The following NCAM2 variants were observed in gnomAD, a reference collection of about 807,000 sequenced individuals.
NCAM2 encodes the protein neural cell adhesion molecule 2, also known as N-CAM-2.
Under a neutral mutation model 98.1 loss-of-function variants are expected in NCAM2, and 30 were observed. The observed-to-expected ratio is 0.31, with a 90% CI of 0.23 to 0.41. The LOEUF is 0.41. Ranked by LOEUF, NCAM2 falls within the 10% of genes least tolerant of loss-of-function variation. The pLI, the probability that NCAM2 is intolerant of heterozygous loss-of-function variation, is 1.00. For missense variants in NCAM2, 867 were observed against 1,005.8 expected (o/e 0.86, Z 1.87); for synonymous variants, 368 against 342.4 (o/e 1.07, Z -0.83).
At chr21:21,140,892 A>G (rs553289757) in intron 1 of NCAM2, among the ~76,000 whole-genome samples, 11 of 152,276 alleles carry the variant, frequency 7.2e-5, no homozygotes, top group African/African-American at 2.4e-4. Flanking sequence ...CAGTTACTCT[A>G]AGAAGGCTTA....
chr21:21,324,512 ACCCCCCT>A lies in NCAM2; in HGVS notation c.737+16_737+22del, dbSNP rs757841248. 6.4e-7 allele frequency: 1 copy of A among 1,553,640 alleles called. No individual in the cohort carries two copies. Among genetic ancestry groups the A allele is most frequent in the South Asian group, 1.1e-5 (1 of 89,508 alleles). Reference sequence around the variant, plus strand: ...ATCTCCTGGTTCAGGTAGGTTATGCACCCCCCTCCCTCTGGCTTGTGTCCATTATCAG... The same window carrying A: ...ATCTCCTGGTTCAGGTAGGTTATGCACCCTCTGGCTTGTGTCCATTATCAG... On this transcript the variant is annotated intron_variant, in intron 6 of 17. Coordinates refer to ENST00000400546, the MANE Select transcript of NCAM2 (RefSeq NM_004540.5).
rs369402173 is a variant in NCAM2, at chr21:21,303,907, T to C, written c.619+11666T>C. On this transcript the variant is annotated intron_variant, in intron 5 of 17. Coordinates refer to ENST00000400546, the MANE Select transcript of NCAM2 (RefSeq NM_004540.5). ...ACATCTTCTCATATACAACTCAGCA[T>C]TGATCATTTTTGGTAAAATGTCTTT... Among the ~76,000 whole-genome samples, 8 of 152,310 alleles carry C rather than the reference T, an allele frequency of 5.3e-5. No individual in the cohort carries two copies. The East Asian group carries it at 1.4e-3, about 26-fold the overall frequency.
intron 1 of NCAM2, among the ~76,000 whole-genome samples, chr21:21,262,803 G>T (rs374853392): frequency 2.6e-5 from 4 of 152,146 alleles, no homozygotes; most frequent in African/African-American, 9.6e-5. Flanking sequence ...ACAGTTCCAC[G>T]TGGCTGGGGA....
chr21:21,542,757 G>C lies in NCAM2; in HGVS notation c.*4800G>C, dbSNP rs73218070. ...TGCTAGACCAGGGACTAGGAACGTT[G>C]CTTAGATAAAAATTATGGCCGATTA... On this transcript the variant is annotated 3_prime_UTR_variant, in exon 18 of 18. Transcript: ENST00000400546. 1 of 151,884 alleles carries C rather than the reference G, an allele frequency of 6.6e-6. No homozygotes were observed. The highest frequency in any genetic ancestry group is 6.6e-5 in the Admixed American group (1 of 15,182). The allele number at this position is 151,884 out of a possible 1,614,324, so 9.4% of individuals were successfully genotyped here.
chr21:21,327,856 A>T (rs928544852), intron 6 of NCAM2, among the ~76,000 whole-genome samples: 1 of 152,172 alleles, frequency 6.6e-6, no homozygotes, highest in Non-Finnish European at 1.5e-5. Flanking sequence ...ATAATAGGGG[A>T]ATTATAAAAC....
intron 6 of NCAM2, among the ~76,000 whole-genome samples, chr21:21,325,709 C>T (rs924944307): frequency 2.6e-5 from 4 of 152,228 alleles, no homozygotes; most frequent in African/African-American, 9.6e-5. Flanking sequence ...AAATACTGTT[C>T]TACAATCTTT....
At chr21:21,292,011 A>G (rs1317350002) in intron 4 of NCAM2, 93 bp from the exon 5 acceptor site, 27 of 1,177,306 alleles carry the variant, frequency 2.3e-5, no homozygotes, top group Non-Finnish European at 2.1e-5. Context: ...ATAGTGTCAG[A>G]CAGTGCCATA....
At chr21:21,333,088 A>AT (rs1047239514) in intron 6 of NCAM2, among the ~76,000 whole-genome samples, 3 of 152,200 alleles carry the variant, frequency 2.0e-5, no homozygotes, top group African/African-American at 7.2e-5. Flanking sequence ...CCTTGGAGTG[A>AT]TTTTTTAGAC....
At chr21:21,424,887 T>G (rs1025672654) in intron 11 of NCAM2, among the ~76,000 whole-genome samples, 3 of 151,264 alleles carry the variant, frequency 2.0e-5, no homozygotes, top group Admixed American at 1.3e-4. Context: ...CAAAAAAATA[T>G]TAGCCGGGTG....
intron 5 of NCAM2, among the ~76,000 whole-genome samples, chr21:21,307,448 T>G (rs564577567): frequency 6.6e-6 from 1 of 152,220 alleles, no homozygotes; most frequent in African/African-American, 2.4e-5. Flanking sequence ...TACAACAAAT[T>G]TTGTGGCTCA....
chr21:21,525,074 T>C (rs1287829482), intron 16 of NCAM2, among the ~76,000 whole-genome samples: 1 of 152,086 alleles, frequency 6.6e-6, no homozygotes, highest in Admixed American at 6.5e-5. Context: ...TTAAAGTGAA[T>C]TATCTAGACC....
rs1264419054 is a variant in NCAM2, at chr21:21,352,204, A to G, written c.1044+13670A>G. Among the ~76,000 whole-genome samples, 5 of 152,156 alleles carry G rather than the reference A, an allele frequency of 3.3e-5. No individual in the cohort carries two copies. The South Asian group carries it at 8.3e-4, about 25-fold the overall frequency. On this transcript the variant is annotated intron_variant, in intron 8 of 17. Transcript: ENST00000400546. ...CCTCAGCCTCCTGAGTAGCAGGACT[A>G]CAGGCACATGCCACCATGACTAGCT...
chr21:21,351,476 A>T, intron 8 of NCAM2, among the ~76,000 whole-genome samples: 1 of 152,162 alleles, frequency 6.6e-6, no homozygotes, highest in East Asian at 1.9e-4. Context: ...AAAGCTTAAG[A>T]CAAACCAAAG....
intron 6 of NCAM2, among the ~76,000 whole-genome samples, chr21:21,332,828 T>C (rs1274622586): frequency 6.6e-6 from 1 of 152,236 alleles, no homozygotes; most frequent in African/African-American, 2.4e-5. Context: ...TATGCCACTG[T>C]CATATGCAAC....
chr21:21,407,607 G>C (rs929352553), intron 9 of NCAM2, among the ~76,000 whole-genome samples: 5 of 152,174 alleles, frequency 3.3e-5, no homozygotes, highest in African/African-American at 9.6e-5. Flanking sequence ...ATTTCTTATT[G>C]GATTGAGTTT....
At chr21:21,431,972 A>G (rs1402827547) in intron 11 of NCAM2, 136 bp from the exon 12 acceptor site, 1 of 635,330 alleles carries the variant, frequency 1.6e-6, no homozygotes, top group Non-Finnish European at 2.5e-6. Flanking sequence ...TGTTTCAGGA[A>G]GTTCTGTAAC....
chr21:21,360,670 A>G (rs1313638391), intron 8 of NCAM2, among the ~76,000 whole-genome samples: 3 of 151,900 alleles, frequency 2.0e-5, no homozygotes, highest in Non-Finnish European at 4.4e-5. Context: ...TGCATTATGT[A>G]TATGCCAGTC....
At chr21:21,031,990 A>G (rs767989915) in intron 1 of NCAM2, among the ~76,000 whole-genome samples, 1 of 152,200 alleles carries the variant, frequency 6.6e-6, no homozygotes, top group Non-Finnish European at 1.5e-5. Flanking sequence ...CAGGAACATT[A>G]AGGCACATGT....
intron 11 of NCAM2, among the ~76,000 whole-genome samples, chr21:21,429,500 T>G (rs1336125388): frequency 1.3e-5 from 2 of 152,110 alleles, no homozygotes; most frequent in African/African-American, 2.4e-5. Flanking sequence ...CATTAGGGAG[T>G]CAGCCACTCA....
Sources: allele counts gnomAD v4.1 joint callset (sites outside exome capture counted in the v4.1 genomes callset), GRCh38; gene constraint gnomAD v4.1.1; transcripts MANE v1.5; gene names NCBI Gene and HGNC (gene_info 2026-07-23, HGNC 2026-07-21).